ALDH2: variants seen among roughly 807,000 people sequenced by gnomAD.
The protein encoded by ALDH2 is aldehyde dehydrogenase 2 family member, also known as aldehyde dehydrogenase, mitochondrial.
ALDH2 carries 44 observed loss-of-function variants against 59.6 expected under a neutral mutation model. That is an observed-to-expected ratio of 0.74 (90% CI 0.58 to 0.95). The LOEUF (loss-of-function observed/expected upper bound fraction) is 0.95. ALDH2 is among the 40% of genes least tolerant of loss of function. The pLI is 0.00. For synonymous variants in ALDH2, 291 were observed against 284.0 expected (o/e 1.02, Z -0.25); for missense variants, 570 against 696.3 (o/e 0.82, Z 2.04).
At chr12:111,783,753 A>C (rs975862783) in intron 3 of ALDH2, among the ~76,000 whole-genome samples, 2 of 151,976 alleles carry the variant, frequency 1.3e-5, no homozygotes, top group African/African-American at 2.4e-5. Flanking sequence ...CAAGTAATCC[A>C]CCTGCCTCAG....
At chr12:111,790,595 T>C (rs1414802931) in intron 6 of ALDH2, 33 bp downstream of exon 6, 2 of 1,613,842 alleles carry the variant, frequency 1.2e-6, no homozygotes, top group African/African-American at 2.7e-5. Context: ...AACCTCTAAA[T>C]GCCCTTGTTG....
Position 111,792,129 on chromosome 12 carries a change from G to A in ALDH2, c.864G>A (p.Gly288=). ...AGAGAGTGACCTTGGAGCTGGGGGG[G>A]AAGAGCCCCAACATCATCATGTCAG... ...NLKRVTLELG[G]KSPNIIMSDA... The change falls in exon 8 of 13, where the codon GGG becomes GGA. Residue 288 remains glycine (G), a synonymous_variant. Coordinates refer to ENST00000261733, the MANE Select transcript of ALDH2 (RefSeq NM_000690.4). The A allele has an allele frequency of 6.2e-7, 1 of 1,607,572 alleles. No homozygotes were observed. The highest frequency in any genetic ancestry group is 8.5e-7 in the Non-Finnish European group (1 of 1,178,402).
intron 4 of ALDH2, among the ~76,000 whole-genome samples, chr12:111,785,631 G>A (rs775702603): frequency 2.4e-4 from 36 of 152,132 alleles, no homozygotes; most frequent in Non-Finnish European, 4.3e-4. Context: ...GGCTAAGGTA[G>A]AAGAATCTCT....
At chr12:111,800,800 C>G (rs760122508) in intron 11 of ALDH2, among the ~76,000 whole-genome samples, 1 of 152,178 alleles carries the variant, frequency 6.6e-6, no homozygotes, top group Non-Finnish European at 1.5e-5. Context: ...CCATATGACC[C>G]AGCAATTCCA....
intron 12 of ALDH2, among the ~76,000 whole-genome samples, chr12:111,806,080 G>A (rs1456115056): frequency 1.3e-5 from 2 of 151,440 alleles, no homozygotes; most frequent in African/African-American, 4.9e-5. Context: ...TTTGGAGGTT[G>A]AGGTGGGCAG....
At chr12:111,770,944 A>T (rs1593067923) in intron 1 of ALDH2, among the ~76,000 whole-genome samples, 1 of 150,508 alleles carries the variant, frequency 6.6e-6, no homozygotes, top group Admixed American at 6.6e-5. Flanking sequence ...CAGCCAGCCA[A>T]TTTTTTATAA....
intron 1 of ALDH2, among the ~76,000 whole-genome samples, chr12:111,774,823 G>A (rs1358898142): frequency 6.6e-6 from 1 of 152,058 alleles, no homozygotes; most frequent in Non-Finnish European, 1.5e-5. Context: ...CAGCTCCTGA[G>A]CCCCTCGACC....
intron 2 of ALDH2, among the ~76,000 whole-genome samples, chr12:111,782,903 AG>A (rs2068282762): frequency 6.6e-6 from 1 of 152,060 alleles, no homozygotes; most frequent in Non-Finnish European, 1.5e-5. Context: ...ACAAAAAAAA[AG>A]AAAATACAGA....
chr12:111,803,604 G>T (rs1046088297), intron 11 of ALDH2, among the ~76,000 whole-genome samples: 2 of 151,830 alleles, frequency 1.3e-5, no homozygotes, highest in Admixed American at 6.6e-5. Flanking sequence ...AGGCGTGGTT[G>T]CACGTGCTGG....
At chr12:111,785,974 T>A (rs1211267033) in intron 4 of ALDH2, among the ~76,000 whole-genome samples, 1 of 152,230 alleles carries the variant, frequency 6.6e-6, no homozygotes, top group Non-Finnish European at 1.5e-5. Flanking sequence ...TTATAATCCT[T>A]TTTATCTCTG....
intron 1 of ALDH2, among the ~76,000 whole-genome samples, chr12:111,779,758 C>T (rs1451278700): frequency 1.3e-5 from 2 of 152,186 alleles, no homozygotes; most frequent in African/African-American, 2.4e-5. Flanking sequence ...GTGAGGTGAC[C>T]ATGGACCCTG....
At chr12:111,804,746 CAAAAA>C (rs76471972) in intron 12 of ALDH2, among the ~76,000 whole-genome samples, 1 of 61,610 alleles carries the variant, frequency 1.6e-5, no homozygotes, top group African/African-American at 5.7e-5. Flanking sequence ...GACTCCGTCT[CAAAAA>C]AAAAAAAAAA....
At position 111,792,635 on chromosome 12, in the gene ALDH2, C is replaced by A. The variant is rs771673604; in HGVS notation, c.936C>A (p.Phe312Leu). The change falls in exon 9 of 13, where the codon TTC becomes TTA. Residue 312 changes from phenylalanine to leucine, a missense_variant. Phe to Leu is a conservative substitution (Grantham distance 22). Transcript: ENST00000261733. The stretch of plus-strand genomic sequence containing the variant: ...TGGAACAGGCCCACTTCGCCCTGTT[C>A]TTCAACCAGGGCCAGTGCTGCTGTG... ...WAVEQAHFAL[F>L]FNQGQCCCAG... is the part of the protein sequence containing the mutation. 6.2e-7 allele frequency: 1 copy of A among 1,613,028 alleles called. No individual in the cohort carries two copies.
intron 10 of ALDH2, among the ~76,000 whole-genome samples, chr12:111,798,745 G>A (rs368780783): frequency 1.3e-5 from 2 of 152,088 alleles, no homozygotes; most frequent in Admixed American, 6.5e-5. Flanking sequence ...AGTTGCTCAC[G>A]CCTGTAATCC....
chr12:111,792,770 G>T lies in ALDH2; in HGVS notation c.1071G>T (p.Glu357Asp). The T allele has an allele frequency of 6.5e-7, 1 of 1,550,164 alleles. No homozygotes were observed. Among genetic ancestry groups the T allele is most frequent in the Non-Finnish European group, 8.7e-7 (1 of 1,147,898 alleles). The change falls in exon 9 of 13, where the codon GAG (glutamate) becomes GAT (aspartate). Residue 357 changes from glutamate (E) to aspartate (D), a missense_variant. Glu to Asp is a conservative substitution (Grantham distance 45). Coordinates refer to ENST00000261733, the MANE Select transcript of ALDH2 (RefSeq NM_000690.4). ...GGAACCCCTTTGATAGCAAGACCGA[G>T]CAGGGGCCGCAGGTGAGCCAGGCAG... is the stretch of plus-strand genomic sequence containing the variant. ...VVGNPFDSKT[E>D]QGPQVDETQF...
At chr12:111,770,183 A>G (rs2068189076) in intron 1 of ALDH2, among the ~76,000 whole-genome samples, 1 of 151,454 alleles carries the variant, frequency 6.6e-6, no homozygotes, top group African/African-American at 2.4e-5. Context: ...TTCCATCTGC[A>G]TCACCGAATT....
chr12:111,792,862 G>T, intron 9 of ALDH2, 80 bp downstream of exon 9: 1 of 1,440,140 alleles, frequency 6.9e-7, no homozygotes, highest in Non-Finnish European at 9.3e-7. Context: ...CAGATCAGTT[G>T]GGACTGGGTT....
At chr12:111,785,515 A>T (rs928035086) in intron 4 of ALDH2, among the ~76,000 whole-genome samples, 169 bp downstream of exon 4, 9 of 152,108 alleles carry the variant, frequency 5.9e-5, no homozygotes, top group African/African-American at 1.7e-4. Context: ...CGTGAGGTCA[A>T]GAGTTTGAGA....
rs183385655 is a variant in ALDH2, at chr12:111,771,310, T to G, written c.114+4214T>G. ...TACTTGGGCGGCTGAGGCAGGAGGA[T>G]TGCTTGAGCCAAGGAGTTTGAGGCT... On this transcript the variant is annotated intron_variant, in intron 1 of 12. Coordinates refer to ENST00000261733, the MANE Select transcript of ALDH2 (RefSeq NM_000690.4). Among the ~76,000 whole-genome samples, 52 of 152,252 alleles carry G rather than the reference T, an allele frequency of 3.4e-4. No homozygotes were observed. The Middle Eastern group carries it at 0.01, about 30-fold the overall frequency.
Sources: allele counts gnomAD v4.1 joint callset (sites outside exome capture counted in the v4.1 genomes callset), GRCh38; gene constraint gnomAD v4.1.1; transcripts MANE v1.5; gene names NCBI Gene and HGNC (gene_info 2026-07-23, HGNC 2026-07-21).